The following PCDH19 variants were observed in gnomAD, a reference collection of about 807,000 sequenced individuals.
The protein encoded by PCDH19 is protocadherin-19.
A neutral mutation model predicts 46.2 loss-of-function variants in PCDH19; 6 were observed. The ratio of observed to expected loss-of-function variants is 0.13; its 90% CI spans 0.07 to 0.26. PCDH19 has a LOEUF of 0.26. Ranked by LOEUF, PCDH19 falls within the 10% of genes least tolerant of loss-of-function variation. PCDH19 has a pLI of 1.00. For missense variants in PCDH19, 740 were observed against 972.3 expected (o/e 0.76, Z 3.18); for synonymous variants, 481 against 415.7 (o/e 1.16, Z -1.91).
chrX:100,405,469 C>A (rs969371086), intron 1 of PCDH19, among the ~76,000 whole-genome samples: 3 of 111,736 alleles, frequency 2.7e-5, no homozygotes, highest in Non-Finnish European at 1.9e-5. Context: ...TTCAGTAAGA[C>A]CTTCTAATGT....
intron 3 of PCDH19, among the ~76,000 whole-genome samples, chrX:100,363,856 C>CATGTGTGTGTGTGTGTGTGTGTGT (rs57620335): frequency 2.2e-5 from 2 of 88,992 alleles, no homozygotes; most frequent in African/African-American, 4.4e-5. Context: ...AATGTGCGTG[C>CATGTGTGTGTGTGTGTGTGTGTGT]GTGTGTGTGT....
chrX:100,368,075 C>T (rs372855003), intron 3 of PCDH19, among the ~76,000 whole-genome samples: 15 of 111,378 alleles, frequency 1.3e-4, no homozygotes, highest in African/African-American at 3.9e-4. Flanking sequence ...TTGGCTCTTC[C>T]GTAAAGTTTG....
At chrX:100,362,395 A>G (rs1254044292) in intron 3 of PCDH19, among the ~76,000 whole-genome samples, 1 of 110,759 alleles carries the variant, frequency 9.0e-6, no homozygotes, top group Non-Finnish European at 1.9e-5. Flanking sequence ...GTGTCTATAT[A>G]TACGTATATT....
At chrX:100,344,124 T>C (rs1926331739) in intron 4 of PCDH19, among the ~76,000 whole-genome samples, 4 of 112,155 alleles carry the variant, frequency 3.6e-5, no homozygotes, top group South Asian at 7.4e-4. Flanking sequence ...GAGTGAAGCA[T>C]TGACCTGTTA....
intron 3 of PCDH19, among the ~76,000 whole-genome samples, chrX:100,400,848 C>T (rs1928157328): frequency 9.0e-6 from 1 of 111,658 alleles, no homozygotes; most frequent in African/African-American, 3.3e-5. Context: ...TACTATGAGG[C>T]CATTTTATGT....
chrX:100,307,825 T>C (rs1924996816), intron 5 of PCDH19, among the ~76,000 whole-genome samples: 1 of 110,160 alleles, frequency 9.1e-6, no homozygotes, highest in African/African-American at 3.3e-5. Context: ...ATAAGGAATA[T>C]ACTTAAGCAA....
intron 3 of PCDH19, among the ~76,000 whole-genome samples, chrX:100,379,296 C>A (rs1380807626): frequency 2.0e-5 from 2 of 100,886 alleles, no homozygotes; most frequent in Non-Finnish European, 4.0e-5. Flanking sequence ...ACTCTGAGAT[C>A]TGTCACATAC....
At chrX:100,315,729 G>T (rs1267041586) in intron 5 of PCDH19, among the ~76,000 whole-genome samples, 1 of 112,582 alleles carries the variant, frequency 8.9e-6, no homozygotes, top group African/African-American at 3.2e-5. Context: ...CTTTTTAGTT[G>T]CAGTAATTCC....
chrX:100,369,942 A>G (rs1298769395), intron 3 of PCDH19, among the ~76,000 whole-genome samples: 3 of 111,568 alleles, frequency 2.7e-5, no homozygotes, highest in Non-Finnish European at 5.6e-5. Flanking sequence ...TTTAACTTCA[A>G]CGTGATTCCC....
At chrX:100,311,430 T>C (rs1369478334) in intron 5 of PCDH19, among the ~76,000 whole-genome samples, 5 of 111,463 alleles carry the variant, frequency 4.5e-5, no homozygotes, top group African/African-American at 1.6e-4. Context: ...CAGCAGCTGG[T>C]GTTCCCCTTA....
chrX:100,330,879 G>A (rs775185394), intron 5 of PCDH19, among the ~76,000 whole-genome samples: 1 of 112,003 alleles, frequency 8.9e-6, no homozygotes, highest in South Asian at 3.7e-4. Context: ...TTGCATTTTT[G>A]TTGTCTAAAC....
chrX:100,404,760 A>G (rs1569313688), intron 1 of PCDH19, among the ~76,000 whole-genome samples: 1 of 111,277 alleles, frequency 9.0e-6, no homozygotes, highest in Non-Finnish European at 1.9e-5. Flanking sequence ...TTTCTTTTTC[A>G]TCAAGGAAAG....
intron 3 of PCDH19, among the ~76,000 whole-genome samples, chrX:100,384,758 T>C (rs895060248): frequency 8.9e-6 from 1 of 111,982 alleles, no homozygotes; most frequent in African/African-American, 3.2e-5. Context: ...TGGTCAAGCA[T>C]ATCTATAAGA....
chrX:100,355,060 C>T, intron 3 of PCDH19, among the ~76,000 whole-genome samples: 1 of 111,305 alleles, frequency 9.0e-6, no homozygotes, highest in South Asian at 3.8e-4. Context: ...AATTCTTTAT[C>T]CTTGGGTATA....
rs184770215 is a variant in PCDH19, at chrX:100,407,113, C to T, written c.1485G>A (p.Ser495=). The T allele has an allele frequency of 1.2e-5, 14 of 1,210,425 alleles. No individual in the cohort carries two copies. The African/African-American group carries it at 1.4e-4, about 12-fold the overall frequency. The change falls in exon 1 of 6, where the codon TCG becomes TCA. Residue 495 remains serine (S), a synonymous_variant. Coordinates refer to ENST00000373034, the MANE Select transcript of PCDH19 (RefSeq NM_001184880.2). ...NGSVSYQIVP[S]QVRDMPVFTY... is the part of the protein sequence containing the mutation. ...TGAAGACAGGCATGTCCCGCACCTG[C>T]GACGGCACGATCTGGTAGGAGACAC...
chrX:100,360,974 T>C (rs1926863862), intron 3 of PCDH19, among the ~76,000 whole-genome samples: 1 of 111,598 alleles, frequency 9.0e-6, no homozygotes, highest in African/African-American at 3.3e-5. Context: ...GGAAGGGGGA[T>C]GAGGAGGGAT....
Position 100,312,000 on chromosome X carries a change from A to G in PCDH19, c.2849-15125T>C, listed in dbSNP as rs191375830. On this transcript the variant is annotated intron_variant, in intron 5 of 5. Transcript: ENST00000373034. The stretch of plus-strand genomic sequence containing the variant: ...AGTTTTAATCCTTCCTCATTGCAAC[A>G]AAGAAAAGCTTAGCTCCAGACAAAT... 3.0e-3 allele frequency among the ~76,000 whole-genome samples: 336 copies of G among 111,664 alleles called. 2 individuals are homozygous for G. The highest frequency in any genetic ancestry group is 0.01 in the African/African-American group (313 of 30,795).
Position 100,407,776 on chromosome X carries a change from G to T in PCDH19, c.822C>A (p.Val274=). The T allele has an allele frequency of 8.2e-7, 1 of 1,212,280 alleles. No individual in the cohort carries two copies. The highest frequency in any genetic ancestry group is 1.1e-6 in the Non-Finnish European group (1 of 895,578). The change falls in exon 1 of 6, where the codon GTC becomes GTA. Residue 274 remains valine (V), a synonymous_variant. Transcript: ENST00000373034. ...CGTTGACGTAGCCATAGAAGGAGTA[G>T]ACCACCTGGCCGTTGGTGCCCTCGT... ...DPDEGTNGQV[V]YSFYGYVNDR...
chrX:100,365,723 C>G (rs1378103736), intron 3 of PCDH19, among the ~76,000 whole-genome samples: 1 of 111,374 alleles, frequency 9.0e-6, no homozygotes, highest in Non-Finnish European at 1.9e-5. Flanking sequence ...CAAACGTGTG[C>G]GTGCACACAC....
Sources: allele counts gnomAD v4.1 joint callset (sites outside exome capture counted in the v4.1 genomes callset), GRCh38; gene constraint gnomAD v4.1.1; transcripts MANE v1.5; gene names NCBI Gene and HGNC (gene_info 2026-07-23, HGNC 2026-07-21).